Variants in CSMD1 observed in about 807,000 individuals in gnomAD.
CSMD1 encodes the protein CUB and Sushi multiple domains 1.
In CSMD1, 213 loss-of-function variants were observed where a neutral mutation model predicts 417.5. The observed-to-expected ratio is 0.51, with a 90% confidence interval of 0.46 to 0.57. The LOEUF (loss-of-function observed/expected upper bound fraction) is 0.57, where lower values mean the gene tolerates loss of function less well. CSMD1 is among the 20% of genes least tolerant of loss of function. The pLI is 0.00. For missense variants in CSMD1, 6,923 were observed against 4,529.7 expected (o/e 1.53, Z -15.17); for synonymous variants, 2,862 against 1,736.8 (o/e 1.65, Z -16.11).
intron 49 of CSMD1, among the ~76,000 whole-genome samples, chr8:3,083,448 A>G (rs1814253578): frequency 6.7e-6 from 1 of 149,310 alleles, no homozygotes; most frequent in Non-Finnish European, 1.5e-5. Context: ...CGAATCTATA[A>G]TTTTTTTTAA....
chr8:4,872,370 T>C (rs1031147974), intron 1 of CSMD1, among the ~76,000 whole-genome samples: 4 of 152,168 alleles, frequency 2.6e-5, no homozygotes, highest in Non-Finnish European at 4.4e-5. Context: ...GTGGAGGTAA[T>C]TGAATCATGG....
At chr8:4,696,581 G>T (rs924381494) in intron 1 of CSMD1, among the ~76,000 whole-genome samples, 4 of 152,164 alleles carry the variant, frequency 2.6e-5, no homozygotes, top group African/African-American at 9.7e-5. Flanking sequence ...AGGAATAACA[G>T]TTAATTTCCC....
At chr8:4,308,164 G>A (rs1247290561) in intron 3 of CSMD1, among the ~76,000 whole-genome samples, 2 of 152,180 alleles carry the variant, frequency 1.3e-5, no homozygotes, top group Non-Finnish European at 2.9e-5. Context: ...TTCTTCGAAT[G>A]TTCCTCAATA....
intron 4 of CSMD1, among the ~76,000 whole-genome samples, chr8:4,004,081 A>G (rs1226272545): frequency 6.6e-6 from 1 of 152,206 alleles, no homozygotes; most frequent in African/African-American, 2.4e-5. Flanking sequence ...ATCTGTGAAA[A>G]AGCAGAACAA....
intron 3 of CSMD1, among the ~76,000 whole-genome samples, chr8:4,261,061 C>T (rs758228340): frequency 6.6e-6 from 1 of 152,140 alleles, no homozygotes; most frequent in African/African-American, 2.4e-5. Context: ...ATTTAGGATT[C>T]CGGATACCTT....
At chr8:3,151,330 G>A (rs1819180312) in intron 40 of CSMD1, 67 bp downstream of exon 40, 1 of 996,158 alleles carries the variant, frequency 1.0e-6, no homozygotes, top group Non-Finnish European at 1.6e-6. Context: ...ATTTTATTCT[G>A]CTTAATTCTT....
Position 4,407,730 on chromosome 8 carries a change from T to G in CSMD1, c.415+12223A>C, listed in dbSNP as rs570336028. Among the ~76,000 whole-genome samples the G allele has an allele frequency of 9.2e-5, 14 of 152,336 alleles. No individual in the cohort carries two copies. In the South Asian group the frequency reaches 2.9e-3, roughly 32 times the overall value. On this transcript the variant is annotated intron_variant, in intron 3 of 69. Transcript: ENST00000635120. The stretch of plus-strand genomic sequence containing the variant: ...TAAATAGCTGTAGTTTTTCCATGAT[T>G]CATGCATGTAAGCATTCCTTTAAAA...
intron 31 of CSMD1, among the ~76,000 whole-genome samples, chr8:3,202,105 T>C (rs1585640109): frequency 6.6e-6 from 1 of 151,982 alleles, no homozygotes; most frequent in African/African-American, 2.4e-5. Context: ...AAGGCGAAGG[T>C]TGCAATGAGC....
chr8:3,383,963 C>G (rs1197944964), intron 18 of CSMD1, among the ~76,000 whole-genome samples: 2 of 152,136 alleles, frequency 1.3e-5, no homozygotes, highest in Non-Finnish European at 2.9e-5. Context: ...AGGAAAGAAG[C>G]TGGACAAACA....
rs113685790 is a variant in CSMD1, at chr8:4,461,738, C to T, written c.303-41673G>A. On this transcript the variant is annotated intron_variant, in intron 2 of 69. Coordinates refer to ENST00000635120, the MANE Select transcript of CSMD1 (RefSeq NM_033225.6). ...GCTCATCTTATTTATTATTTATTTACTTATTTTTTTTTTTTTTTTGGAGAT... is the reference window on the plus strand; with the variant it reads ...GCTCATCTTATTTATTATTTATTTATTTATTTTTTTTTTTTTTTTGGAGAT... 9.4e-3 allele frequency among the ~76,000 whole-genome samples: 787 copies of T among 83,914 alleles called. 2 individuals carry two copies. Among genetic ancestry groups the T allele is most frequent in the African/African-American group, 0.03 (740 of 24,278 alleles). The allele number at this position is 83,914 out of a possible 152,430, so 55.1% of individuals were successfully genotyped here.
intron 12 of CSMD1, among the ~76,000 whole-genome samples, chr8:3,441,579 G>T (rs867948518): frequency 3.7e-4 from 56 of 150,996 alleles, no homozygotes; most frequent in Middle Eastern, 6.9e-3. Flanking sequence ...TGTATACAAT[G>T]GTCCCATAAG....
chr8:4,679,919 C>T (rs1357236064), intron 1 of CSMD1, among the ~76,000 whole-genome samples: 1 of 152,026 alleles, frequency 6.6e-6, no homozygotes, highest in Non-Finnish European at 1.5e-5. Context: ...ATTGCTGTTT[C>T]CCAAATTAAT....
Position 4,599,494 on chromosome 8 carries a change from A to T in CSMD1, c.302+37848T>A, listed in dbSNP as rs1236898774. Among the ~76,000 whole-genome samples, 4 of 152,244 alleles carry T rather than the reference A, an allele frequency of 2.6e-5. No individual in the cohort carries two copies. In the East Asian group the frequency reaches 7.7e-4, roughly 29 times the overall value. On this transcript the variant is annotated intron_variant, in intron 2 of 69. Transcript: ENST00000635120. ...GCTCAAATTTGAGTGGAACTTCTAA[A>T]TTATATAAACCATCAGTTTTTTTTT...
At position 3,139,365 on chromosome 8, in the gene CSMD1, C is replaced by G. The variant is rs551305115; in HGVS notation, c.6241+3100G>C. ...GGAAGCAAAGAAAATAACAACTTAG[C>G]CAGAGAGATAGCAGAATAACCCAGA... On this transcript the variant is annotated intron_variant, in intron 41 of 69. Transcript: ENST00000635120. Among the ~76,000 whole-genome samples, 31 of 152,202 alleles carry G rather than the reference C, an allele frequency of 2.0e-4. No homozygotes were observed. In the South Asian group the frequency reaches 2.3e-3, roughly 11 times the overall value.
chr8:3,671,000 GTATGGGATATATATGTA>G (rs1798993394), intron 7 of CSMD1, among the ~76,000 whole-genome samples: 1 of 109,428 alleles, frequency 9.1e-6, no homozygotes, highest in Non-Finnish European at 1.9e-5. Flanking sequence ...GGATATATAT[GTATGGGATATATATGTA>G]TATGGGATAT....
At chr8:4,098,541 G>C (rs1040054485) in intron 3 of CSMD1, among the ~76,000 whole-genome samples, 2 of 152,094 alleles carry the variant, frequency 1.3e-5, no homozygotes, top group African/African-American at 2.4e-5. Flanking sequence ...AGAGAGCTGA[G>C]AAAGTGGATT....
rs553223267 is a variant in CSMD1, at chr8:3,511,493, G to A, written c.1345-17767C>T. 4.1e-4 allele frequency among the ~76,000 whole-genome samples: 62 copies of A among 151,800 alleles called. 2 individuals are homozygous for A. The highest frequency in any genetic ancestry group is 1.4e-3 in the African/African-American group (59 of 41,146). On this transcript the variant is annotated intron_variant, in intron 10 of 69. Transcript: ENST00000635120. ...TGGCCAGCCAGGCACGTTGGCTCAC[G>A]GCTGTAATCCCTGCACTTTGGGAGG...
At chr8:4,253,363 C>A (rs1287445294) in intron 3 of CSMD1, among the ~76,000 whole-genome samples, 1 of 149,684 alleles carries the variant, frequency 6.7e-6, no homozygotes, top group African/African-American at 2.5e-5. Context: ...TATAATTACG[C>A]ATTTAAATGC....
chr8:4,257,262 C>T (rs932850982), intron 3 of CSMD1, among the ~76,000 whole-genome samples: 2 of 151,932 alleles, frequency 1.3e-5, no homozygotes, highest in Non-Finnish European at 2.9e-5. Flanking sequence ...TTTATTATAC[C>T]AGTCTTTCTG....
Sources: gnomAD v4.1 joint callset for allele counts (sites outside exome capture counted in the v4.1 genomes callset) on GRCh38, gnomAD v4.1.1 for gene constraint, MANE v1.5 for transcripts, NCBI Gene and HGNC (gene_info 2026-07-23, HGNC 2026-07-21) for gene names.